The following ASIC2 variants were observed in gnomAD, a reference collection of about 807,000 sequenced individuals.
The protein encoded by ASIC2 is acid sensing ion channel subunit 2.
Under a neutral mutation model 57.3 loss-of-function variants are expected in ASIC2, and 25 were observed. That is an observed-to-expected ratio of 0.44 (90% CI 0.32 to 0.61). The LOEUF is 0.61. Ranked by LOEUF, ASIC2 falls within the 20% of genes least tolerant of loss-of-function variation. The pLI is 0.06. For synonymous variants in ASIC2, 319 were observed against 307.5 expected (o/e 1.04, Z -0.39); for missense variants, 641 against 738.1 (o/e 0.87, Z 1.52).
chr17:33,589,128 C>T (rs1001496504), intron 1 of ASIC2, among the ~76,000 whole-genome samples: 5 of 152,172 alleles, frequency 3.3e-5, no homozygotes, highest in African/African-American at 1.2e-4. Context: ...TCACAGTGTG[C>T]TAGGCACTTG....
chr17:33,985,616 G>A (rs992535037), intron 1 of ASIC2, among the ~76,000 whole-genome samples: 1 of 152,208 alleles, frequency 6.6e-6, no homozygotes, highest in African/African-American at 2.4e-5. Flanking sequence ...GGGAAAGAGG[G>A]CAGAGTGTAA....
chr17:33,122,823 C>G (rs990063577), intron 1 of ASIC2, among the ~76,000 whole-genome samples: 4 of 152,176 alleles, frequency 2.6e-5, no homozygotes, highest in African/African-American at 9.7e-5. Context: ...CATTCCCTGT[C>G]CATCCCCCTG....
At chr17:33,283,003 G>T (rs530602676) in intron 1 of ASIC2, among the ~76,000 whole-genome samples, 1 of 152,300 alleles carries the variant, frequency 6.6e-6, no homozygotes, top group East Asian at 1.9e-4. Context: ...CATCTTTAAG[G>T]GGCCATCATT....
At chr17:34,045,535 T>G (rs1908303658) in intron 1 of ASIC2, among the ~76,000 whole-genome samples, 1 of 152,194 alleles carries the variant, frequency 6.6e-6, no homozygotes, top group African/African-American at 2.4e-5. Context: ...GACCAAGGCC[T>G]CAGGAAGTGT....
At chr17:33,435,372 C>T in intron 1 of ASIC2, among the ~76,000 whole-genome samples, 1 of 152,070 alleles carries the variant, frequency 6.6e-6, no homozygotes, top group East Asian at 1.9e-4. Flanking sequence ...CAAAAACCAC[C>T]ATAATCTAAA....
chr17:33,442,016 C>T (rs1416431684), intron 1 of ASIC2, among the ~76,000 whole-genome samples: 2 of 152,168 alleles, frequency 1.3e-5, no homozygotes, highest in African/African-American at 4.8e-5. Flanking sequence ...CCCAGCATTG[C>T]TTGTTGAACA....
At chr17:33,028,919 T>C (rs1332190790) in intron 3 of ASIC2, among the ~76,000 whole-genome samples, 1 of 152,226 alleles carries the variant, frequency 6.6e-6, no homozygotes, top group Non-Finnish European at 1.5e-5. Flanking sequence ...TTTATAGTCC[T>C]GGGCCTGGAC....
chr17:33,434,125 T>A (rs1911519666), intron 1 of ASIC2, among the ~76,000 whole-genome samples: 1 of 150,878 alleles, frequency 6.6e-6, no homozygotes. Context: ...AAAAAATAAA[T>A]AAATAAATAA....
rs1036304530 is a variant in ASIC2 at position 33,281,724 on chromosome 17, A to G, written c.708+9684T>C. 3.3e-5 allele frequency among the ~76,000 whole-genome samples: 5 copies of G among 152,204 alleles called. No individual in the cohort carries two copies. In the East Asian group the frequency reaches 9.6e-4, roughly 29 times the overall value. On this transcript the variant is annotated intron_variant, in intron 1 of 9. Coordinates refer to ENST00000225823, the MANE Select transcript of ASIC2 (RefSeq NM_183377.2). ...GGTGCGAGGCAGGGTGTGTCTTAGG[A>G]AGTCCAGTCCACCCTCCTCTTTGCC...
At chr17:33,876,154 A>G (rs1682471349) in intron 1 of ASIC2, among the ~76,000 whole-genome samples, 1 of 152,112 alleles carries the variant, frequency 6.6e-6, no homozygotes, top group South Asian at 2.1e-4. Flanking sequence ...GTACCTCTGC[A>G]TTTTCATCTG....
intron 3 of ASIC2, among the ~76,000 whole-genome samples, chr17:33,063,318 T>G (rs2092028774): frequency 1.3e-5 from 2 of 152,352 alleles, no homozygotes; most frequent in South Asian, 4.1e-4. Context: ...CCTTTCCATG[T>G]TTAGTGCTTC....
intron 1 of ASIC2, among the ~76,000 whole-genome samples, chr17:33,420,512 C>A (rs1257685056): frequency 6.6e-6 from 1 of 152,114 alleles, no homozygotes; most frequent in Non-Finnish European, 1.5e-5. Flanking sequence ...TGTGGTGTCA[C>A]CTTAAGTGTA....
At chr17:33,321,736 T>G (rs964526054) in intron 1 of ASIC2, among the ~76,000 whole-genome samples, 12 of 152,236 alleles carry the variant, frequency 7.9e-5, no homozygotes, top group African/African-American at 2.9e-4. Flanking sequence ...AAATGATTCC[T>G]TCTTACATGG....
intron 1 of ASIC2, among the ~76,000 whole-genome samples, chr17:34,083,582 C>T (rs1050418819): frequency 3.3e-5 from 5 of 151,976 alleles, no homozygotes; most frequent in African/African-American, 1.2e-4. Context: ...GTTCTAGATC[C>T]CTGAGGAATC....
intron 2 of ASIC2, among the ~76,000 whole-genome samples, chr17:33,104,684 T>C (rs1396279720): frequency 3.9e-5 from 6 of 152,212 alleles, no homozygotes; most frequent in Non-Finnish European, 8.8e-5. Flanking sequence ...GACCTATCAT[T>C]ATATGCCATT....
At chr17:33,964,912 A>G (rs1905032783) in intron 1 of ASIC2, among the ~76,000 whole-genome samples, 1 of 152,184 alleles carries the variant, frequency 6.6e-6, no homozygotes. Context: ...CTTCCAGCCT[A>G]TGATTTCCAA....
intron 1 of ASIC2, among the ~76,000 whole-genome samples, chr17:33,777,719 T>C (rs779565350): frequency 6.6e-6 from 1 of 152,188 alleles, no homozygotes; most frequent in Admixed American, 6.5e-5. Flanking sequence ...AGGTTAATTA[T>C]AAGCTGGAAA....
chr17:33,713,542 C>T (rs1277946448), intron 1 of ASIC2, among the ~76,000 whole-genome samples: 1 of 152,228 alleles, frequency 6.6e-6, no homozygotes, highest in African/African-American at 2.4e-5. Context: ...GTCCAAATGT[C>T]CCTCTCCTTG....
At chr17:33,299,357 C>T (rs1332796799) in intron 1 of ASIC2, among the ~76,000 whole-genome samples, 1 of 152,204 alleles carries the variant, frequency 6.6e-6, no homozygotes, top group Non-Finnish European at 1.5e-5. Flanking sequence ...GTCCAGGAGT[C>T]ATGATGGGGA....
Sources: gnomAD v4.1 joint callset for allele counts (sites outside exome capture counted in the v4.1 genomes callset) on GRCh38, gnomAD v4.1.1 for gene constraint, MANE v1.5 for transcripts, NCBI Gene and HGNC (gene_info 2026-07-23, HGNC 2026-07-21) for gene names.